Variants in GABRG3 observed in about 807,000 individuals in gnomAD.
The protein encoded by GABRG3 is gamma-aminobutyric acid type A receptor subunit gamma3, also known as gamma-aminobutyric acid receptor subunit gamma-3.
In GABRG3, 25 loss-of-function variants were observed where a neutral mutation model predicts 48.8. That is an observed-to-expected ratio of 0.51 (90% CI 0.37 to 0.72). The LOEUF (loss-of-function observed/expected upper bound fraction) is 0.72. GABRG3 is among the 30% of genes least tolerant of loss of function. The pLI is 0.00. For synonymous variants in GABRG3, 227 were observed against 217.6 expected (o/e 1.04, Z -0.38); for missense variants, 394 against 577.9 (o/e 0.68, Z 3.26).
chr15:27,059,664 C>T (rs537724974), intron 3 of GABRG3, among the ~76,000 whole-genome samples: 50 of 152,266 alleles, frequency 3.3e-4, no homozygotes, highest in African/African-American at 1.2e-3. Flanking sequence ...ACATGTGTTC[C>T]AAGACTGTGG....
intron 3 of GABRG3, among the ~76,000 whole-genome samples, chr15:27,306,697 T>C (rs1457322647): frequency 7.9e-6 from 1 of 127,148 alleles, no homozygotes; most frequent in South Asian, 2.4e-4. Context: ...AACATGTTTA[T>C]ATATAAACAT....
chr15:27,376,132 C>A (rs1009208699), intron 5 of GABRG3, among the ~76,000 whole-genome samples: 1 of 152,242 alleles, frequency 6.6e-6, no homozygotes, highest in African/African-American at 2.4e-5. Flanking sequence ...CCCAGTGGGG[C>A]AGTCAAACCT....
At chr15:27,091,786 A>G (rs1376966631) in intron 3 of GABRG3, among the ~76,000 whole-genome samples, 2 of 152,212 alleles carry the variant, frequency 1.3e-5, no homozygotes, top group Admixed American at 1.3e-4. Context: ...AAATGTCCAC[A>G]TGGGAAACTC....
chr15:27,437,055 A>G (rs943899958), intron 5 of GABRG3, among the ~76,000 whole-genome samples: 2 of 151,640 alleles, frequency 1.3e-5, no homozygotes, highest in Non-Finnish European at 2.9e-5. Context: ...TCATGAGGAC[A>G]TCAGCAGTGA....
chr15:27,013,770 A>G, intron 2 of GABRG3, among the ~76,000 whole-genome samples: 1 of 151,938 alleles, frequency 6.6e-6, no homozygotes. Context: ...ATTTTGTAGT[A>G]AGTTTTTGAA....
chr15:27,100,856 C>T (rs1897343787), intron 3 of GABRG3, among the ~76,000 whole-genome samples: 1 of 152,196 alleles, frequency 6.6e-6, no homozygotes, highest in African/African-American at 2.4e-5. Context: ...AAAATGCACG[C>T]AGAACTACAG....
At position 27,398,730 on chromosome 15, in the gene GABRG3, T is replaced by C. The variant is rs145935906; in HGVS notation, c.574+69842T>C. On this transcript the variant is annotated intron_variant, in intron 5 of 9. Transcript: ENST00000615808. ...CAATGAAAGACATTGTATAATTAAG[T>C]AATATTTGAGTTCAGAAAAGGGCTT... 1.0e-3 allele frequency among the ~76,000 whole-genome samples: 152 copies of C among 151,922 alleles called. 2 individuals are homozygous for C. In the East Asian group the frequency reaches 0.019, roughly 19 times the overall value.
chr15:27,308,567 A>T (rs1394091667), intron 3 of GABRG3, among the ~76,000 whole-genome samples: 3 of 147,942 alleles, frequency 2.0e-5, no homozygotes, highest in African/African-American at 7.3e-5. Flanking sequence ...ATGTTTATAT[A>T]AACATAATGT....
At chr15:27,513,255 G>A in intron 6 of GABRG3, among the ~76,000 whole-genome samples, 1 of 152,032 alleles carries the variant, frequency 6.6e-6, no homozygotes, top group East Asian at 1.9e-4. Flanking sequence ...AGACCATCCT[G>A]GCTAACACGG....
chr15:27,382,927 TG>T (rs1895820111), intron 5 of GABRG3, among the ~76,000 whole-genome samples: 1 of 152,102 alleles, frequency 6.6e-6, no homozygotes, highest in Non-Finnish European at 1.5e-5. Flanking sequence ...AAATGTTGAG[TG>T]TGCTTGGATA....
chr15:27,183,997 A>G (rs923238262), intron 3 of GABRG3, among the ~76,000 whole-genome samples: 1 of 152,222 alleles, frequency 6.6e-6, no homozygotes, highest in East Asian at 1.9e-4. Context: ...TAACAAGAGA[A>G]AAACAAACAG....
intron 3 of GABRG3, among the ~76,000 whole-genome samples, chr15:27,222,239 G>A (rs1014834612): frequency 6.6e-6 from 1 of 152,180 alleles, no homozygotes; most frequent in Non-Finnish European, 1.5e-5. Context: ...AGCCAGCTGC[G>A]CAGGCTTGAA....
At chr15:27,265,534 G>C (rs1039761328) in intron 3 of GABRG3, among the ~76,000 whole-genome samples, 1 of 152,180 alleles carries the variant, frequency 6.6e-6, no homozygotes, top group Non-Finnish European at 1.5e-5. Flanking sequence ...GACAACCCAG[G>C]TTCCCTGGGC....
At chr15:27,241,368 A>G (rs1890122429) in intron 3 of GABRG3, among the ~76,000 whole-genome samples, 1 of 152,180 alleles carries the variant, frequency 6.6e-6, no homozygotes, top group South Asian at 2.1e-4. Context: ...AAGTTTAGAC[A>G]TTGGGCAACA....
intron 3 of GABRG3, among the ~76,000 whole-genome samples, chr15:27,188,166 T>C (rs980028401): frequency 2.6e-5 from 4 of 152,184 alleles, no homozygotes; most frequent in African/African-American, 9.7e-5. Flanking sequence ...TTTGCTTTTG[T>C]GAATAGTGCT....
intron 5 of GABRG3, chr15:27,350,493 G>T (rs1209714826): frequency 7.6e-6 from 2 of 262,964 alleles, no homozygotes; most frequent in Admixed American, 9.3e-5. Flanking sequence ...TGTCCTCAGG[G>T]AGTTCGCAGT....
At chr15:27,307,862 T>TATATATAAAATAAACATGTTTATATATAA (rs1365693282) in intron 3 of GABRG3, among the ~76,000 whole-genome samples, 4 of 133,642 alleles carry the variant, frequency 3.0e-5, no homozygotes, top group Non-Finnish European at 4.7e-5. Flanking sequence ...TATATATAAA[T>TATATATAAAATAAACATGTTTATATATAA]ATATATAAAT....
intron 3 of GABRG3, among the ~76,000 whole-genome samples, chr15:27,316,369 C>T (rs1184815608): frequency 8.5e-6 from 1 of 117,596 alleles, no homozygotes; most frequent in East Asian, 2.5e-4. Context: ...GCCTGGGCGA[C>T]AGAGCGAGAC....
chr15:27,030,565 A>G (rs1896065427), intron 3 of GABRG3, among the ~76,000 whole-genome samples: 1 of 152,226 alleles, frequency 6.6e-6, no homozygotes, highest in African/African-American at 2.4e-5. Flanking sequence ...TGTAGCATTC[A>G]TCAAAGAAAG....
Sources: gnomAD v4.1 joint callset for allele counts (sites outside exome capture counted in the v4.1 genomes callset) on GRCh38, gnomAD v4.1.1 for gene constraint, MANE v1.5 for transcripts, NCBI Gene and HGNC (gene_info 2026-07-23, HGNC 2026-07-21) for gene names.